FOXJ3: variants seen among roughly 807,000 people sequenced by gnomAD.
The protein encoded by FOXJ3 is forkhead box protein J3.
A neutral mutation model predicts 76.1 loss-of-function variants in FOXJ3; 22 were observed. The ratio of observed to expected loss-of-function variants is 0.29; its 90% CI spans 0.21 to 0.41. The LOEUF (loss-of-function observed/expected upper bound fraction) is 0.41. FOXJ3 is among the 10% of genes least tolerant of loss of function. The probability of loss-of-function intolerance (pLI) is 1.00; values close to 1 mark genes in which losing one functional copy is unlikely to be tolerated. For synonymous variants in FOXJ3, 269 were observed against 261.2 expected (o/e 1.03, Z -0.29); for missense variants, 613 against 762.1 (o/e 0.80, Z 2.30).
intron 1 of FOXJ3, among the ~76,000 whole-genome samples, chr1:42,316,019 A>G (rs1031158391): frequency 3.3e-5 from 5 of 152,226 alleles, no homozygotes; most frequent in Non-Finnish European, 7.3e-5. Flanking sequence ...TTCTTTTAAC[A>G]TAAGCAGTAT....
chr1:42,219,989 A>G (rs894920085), intron 5 of FOXJ3, among the ~76,000 whole-genome samples: 1 of 152,046 alleles, frequency 6.6e-6, no homozygotes, highest in South Asian at 2.1e-4. Context: ...CCCTATCCTC[A>G]CTCCTAGCAG....
At chr1:42,183,556 A>C (rs77286577) in intron 11 of FOXJ3, among the ~76,000 whole-genome samples, 1 of 152,138 alleles carries the variant, frequency 6.6e-6, no homozygotes, top group East Asian at 1.9e-4. Context: ...GAATGATTAT[A>C]AAAGCGGTTC....
chr1:42,305,993 C>T (rs1295134203), intron 2 of FOXJ3, among the ~76,000 whole-genome samples: 1 of 152,030 alleles, frequency 6.6e-6, no homozygotes, highest in East Asian at 1.9e-4. Context: ...ATTTTACCCA[C>T]AAAAATTAAA....
At chr1:42,304,264 A>G (rs912065167) in intron 2 of FOXJ3, among the ~76,000 whole-genome samples, 5 of 151,466 alleles carry the variant, frequency 3.3e-5, no homozygotes, top group African/African-American at 1.2e-4. Context: ...GACACCAAGA[A>G]AAGGAAAGAT....
At chr1:42,210,099 G>A (rs1363734099) in intron 5 of FOXJ3, among the ~76,000 whole-genome samples, 1 of 152,184 alleles carries the variant, frequency 6.6e-6, no homozygotes, top group African/African-American at 2.4e-5. Context: ...CCAAGTCCGT[G>A]GGAGCTGAGT....
At chr1:42,311,650 A>AGTAGTAGTAGTAGT (rs1553169329) in intron 1 of FOXJ3, among the ~76,000 whole-genome samples, 3 of 149,508 alleles carry the variant, frequency 2.0e-5, no homozygotes, top group East Asian at 3.9e-4. Flanking sequence ...TTTAAAAAAA[A>AGTAGTAGTAGTAGT]AGTAGTAGTA....
At position 42,311,129 on chromosome 1, in the gene FOXJ3, T is replaced by C. The variant is rs1357165140; in HGVS notation, c.-17-19A>G. 3 of 1,549,796 alleles carry C rather than the reference T, an allele frequency of 1.9e-6. No homozygotes were observed. Among genetic ancestry groups the C allele is most frequent in the Non-Finnish European group, 2.6e-6 (3 of 1,139,064 alleles). On this transcript the variant is annotated intron_variant, in intron 1 of 12. Coordinates refer to ENST00000361346, the MANE Select transcript of FOXJ3 (RefSeq NM_014947.5). ...AGAGAATCTGAAAAGCAAAGAAGAG[T>C]TAGTTATCAGATACTGCAAAGTAAA...
At chr1:42,302,516 G>A (rs1328530119) in intron 2 of FOXJ3, among the ~76,000 whole-genome samples, 2 of 152,226 alleles carry the variant, frequency 1.3e-5, no homozygotes, top group East Asian at 1.9e-4. Context: ...GCAGGGGAGA[G>A]CTGGGGTCCA....
chr1:42,335,621 C>A (rs754827993), upstream of FOXJ3: 6 of 152,222 alleles, frequency 3.9e-5, no homozygotes, highest in South Asian at 1.2e-3. Flanking sequence ...CATCCGCCAC[C>A]TCACCGAAGC....
At chr1:42,262,296 G>A (rs1367624996) in intron 4 of FOXJ3, among the ~76,000 whole-genome samples, 2 of 152,150 alleles carry the variant, frequency 1.3e-5, no homozygotes, top group South Asian at 2.1e-4. Flanking sequence ...TATGTCTGGC[G>A]AATATGCCTG....
chr1:42,199,551 T>C (rs2124271351), intron 6 of FOXJ3, among the ~76,000 whole-genome samples: 1 of 152,208 alleles, frequency 6.6e-6, no homozygotes, highest in East Asian at 1.9e-4. Context: ...ATTTCTATAA[T>C]GCATAAATTT....
At chr1:42,234,668 C>T (rs1479669956) in intron 4 of FOXJ3, among the ~76,000 whole-genome samples, 2 of 152,150 alleles carry the variant, frequency 1.3e-5, no homozygotes, top group Non-Finnish European at 2.9e-5. Context: ...AGGTCCACTC[C>T]AGACCGTTTG....
intron 2 of FOXJ3, among the ~76,000 whole-genome samples, chr1:42,281,811 C>T (rs1239170164): frequency 6.6e-6 from 1 of 152,186 alleles, no homozygotes; most frequent in South Asian, 2.1e-4. Flanking sequence ...GTAATCCCAA[C>T]ACTTTGGGAG....
At chr1:42,200,733 C>T (rs1046101760) in intron 6 of FOXJ3, among the ~76,000 whole-genome samples, 5 of 152,158 alleles carry the variant, frequency 3.3e-5, no homozygotes, top group African/African-American at 1.2e-4. Context: ...CCCACCTCAG[C>T]CTCCCAAAGG....
chr1:42,307,112 T>C (rs1654517381), intron 2 of FOXJ3, among the ~76,000 whole-genome samples: 1 of 152,224 alleles, frequency 6.6e-6, no homozygotes, highest in Non-Finnish European at 1.5e-5. Flanking sequence ...CTATCTAATC[T>C]TCAGGTTTCA....
rs866690556 is a variant in FOXJ3 at position 42,186,955 on chromosome 1, C to A, written c.1645+1782G>T. Among the ~76,000 whole-genome samples the A allele has an allele frequency of 4.6e-5, 7 of 152,146 alleles. No individual in the cohort carries two copies. In the South Asian group the frequency reaches 6.2e-4, roughly 13 times the overall value. On this transcript the variant is annotated intron_variant, in intron 11 of 12. Transcript: ENST00000361346. ...CTCCGCCTCCCAGGTTCCAGCGATT[C>A]CCCTGCCTCAACCTCCCGGGTGGCT... is the stretch of plus-strand genomic sequence containing the variant.
At chr1:42,185,514 T>C (rs344185) in intron 11 of FOXJ3, among the ~76,000 whole-genome samples, 44,771 of 151,586 alleles carry the variant, frequency 0.3, 7,315 homozygotes, top group African/African-American at 0.44. Flanking sequence ...CCTGCCTCGG[T>C]CTCCCAAAGT....
At chr1:42,324,128 G>GTATATATAGTGTATATATACACTA (rs201669955) in intron 1 of FOXJ3, among the ~76,000 whole-genome samples, 1 of 5,792 alleles carries the variant, frequency 1.7e-4, no homozygotes, top group African/African-American at 3.7e-4. Context: ...TATACACAGT[G>GTATATATAGTGTATATATACACTA]TATATACAGT....
At chr1:42,203,738 G>A (rs1035522457) in intron 6 of FOXJ3, among the ~76,000 whole-genome samples, 2 of 152,118 alleles carry the variant, frequency 1.3e-5, no homozygotes, top group Non-Finnish European at 2.9e-5. Context: ...GCTCACACCT[G>A]TAATCCCAGC....
Sources: allele counts gnomAD v4.1 joint callset (sites outside exome capture counted in the v4.1 genomes callset), GRCh38; gene constraint gnomAD v4.1.1; transcripts MANE v1.5; gene names NCBI Gene and HGNC (gene_info 2026-07-23, HGNC 2026-07-21).